The following SGCD variants were observed in gnomAD, a reference collection of about 807,000 sequenced individuals.
SGCD encodes the protein delta-sarcoglycan.
A neutral mutation model predicts 36.6 loss-of-function variants in SGCD; 18 were observed. The ratio of observed to expected loss-of-function variants is 0.49; its 90% CI spans 0.34 to 0.73. SGCD has a LOEUF of 0.73. Ranked by LOEUF, SGCD falls within the 30% of genes least tolerant of loss-of-function variation. The pLI is 0.01. For synonymous variants in SGCD, 133 were observed against 130.6 expected, an observed-to-expected ratio of 1.02 and a Z score of -0.12; for missense variants, 387 against 346.7, an observed-to-expected ratio of 1.12 and a Z score of -0.92.
chr5:156,586,965 G>A (rs910908739), intron 4 of SGCD, among the ~76,000 whole-genome samples: 8 of 151,790 alleles, frequency 5.3e-5, no homozygotes, highest in African/African-American at 1.7e-4. Context: ...TCATTATGTA[G>A]CCTTTAACTT....
chr5:156,261,537 C>T (rs1765865703), intron 3 of SGCD, among the ~76,000 whole-genome samples: 1 of 152,184 alleles, frequency 6.6e-6, no homozygotes, highest in African/African-American at 2.4e-5. Flanking sequence ...CAAACCTGCA[C>T]TGCCATTATC....
intron 3 of SGCD, among the ~76,000 whole-genome samples, chr5:156,395,039 G>A (rs1364637412): frequency 6.6e-6 from 1 of 152,218 alleles, no homozygotes. Flanking sequence ...GGATGTGTGT[G>A]ATTATGCAGG....
At chr5:156,292,544 A>G (rs1351435915) in intron 3 of SGCD, among the ~76,000 whole-genome samples, 1 of 152,126 alleles carries the variant, frequency 6.6e-6, no homozygotes, top group Non-Finnish European at 1.5e-5. Context: ...ATTGTAAACA[A>G]TGCTGCTATA....
At chr5:155,924,444 T>C (rs1488941581) in intron 1 of SGCD, among the ~76,000 whole-genome samples, 1 of 152,224 alleles carries the variant, frequency 6.6e-6, no homozygotes, top group African/African-American at 2.4e-5. Flanking sequence ...AATCAGGCAC[T>C]GAATGCTTAG....
intron 1 of SGCD, among the ~76,000 whole-genome samples, chr5:155,939,843 T>A (rs1757288320): frequency 6.6e-6 from 1 of 151,128 alleles, no homozygotes; most frequent in African/African-American, 2.4e-5. Context: ...TGTCTCTTTT[T>A]TTTTTTTTTT....
At chr5:156,487,590 C>A (rs1393087691) in intron 3 of SGCD, among the ~76,000 whole-genome samples, 5 of 151,388 alleles carry the variant, frequency 3.3e-5, no homozygotes, top group African/African-American at 1.2e-4. Flanking sequence ...AAGTTCAAGA[C>A]CAGCCTGACC....
chr5:156,226,875 G>T (rs558666422), intron 3 of SGCD, among the ~76,000 whole-genome samples: 7 of 151,492 alleles, frequency 4.6e-5, no homozygotes, highest in Non-Finnish European at 7.4e-5. Flanking sequence ...TTGTATGTTT[G>T]TTGGCCATTT....
chr5:156,307,556 T>TTTTTTTTTTTTTTTTTTTTTTTG (rs1767255913), intron 3 of SGCD, among the ~76,000 whole-genome samples: 1 of 53,376 alleles, frequency 1.9e-5, no homozygotes, highest in Non-Finnish European at 3.3e-5. Context: ...TTAACTGTTG[T>TTTTTTTTTTTTTTTTTTTTTTTG]TTTTTTTTTT....
intron 3 of SGCD, among the ~76,000 whole-genome samples, chr5:156,389,473 T>C (rs1771447379): frequency 6.6e-6 from 1 of 152,142 alleles, no homozygotes; most frequent in Non-Finnish European, 1.5e-5. Flanking sequence ...GGAGTTATAG[T>C]ATTGTTTGCT....
intron 7 of SGCD, among the ~76,000 whole-genome samples, chr5:156,664,429 T>C (rs1213362946): frequency 6.7e-6 from 1 of 149,360 alleles, no homozygotes; most frequent in Non-Finnish European, 1.5e-5. Context: ...AGGGTAGGGC[T>C]CTTTTGAACC....
rs1355667465 is a variant in SGCD at position 156,709,807 on chromosome 5, T to C, written c.576-47774T>C. ...CTTAGAATGGGGCAGTTGAAACTTC[T>C]TGGTACTTATGTTCCTGCCGCCCCC... On this transcript the variant is annotated intron_variant, in intron 7 of 8. Coordinates refer to ENST00000337851, the MANE Select transcript of SGCD (RefSeq NM_000337.6). Among the ~76,000 whole-genome samples, 9 of 150,646 alleles carry C rather than the reference T, an allele frequency of 6.0e-5. No individual in the cohort carries two copies. The East Asian group carries it at 1.8e-3, about 30-fold the overall frequency.
chr5:155,850,140 G>T, the SGCD span, among the ~76,000 whole-genome samples: 2 of 152,132 alleles, frequency 1.3e-5, no homozygotes, highest in Non-Finnish European at 2.9e-5. Context: ...TTGGATTCAA[G>T]GCTTGTATGT....
chr5:156,665,114 G>A (rs902022130), intron 7 of SGCD, among the ~76,000 whole-genome samples: 8 of 152,022 alleles, frequency 5.3e-5, no homozygotes, highest in South Asian at 2.1e-4. Flanking sequence ...GGGGGTGGCC[G>A]ATACTGAAGT....
chr5:156,068,438 C>A (rs1289994398), intron 1 of SGCD, among the ~76,000 whole-genome samples: 1 of 152,006 alleles, frequency 6.6e-6, no homozygotes, highest in Non-Finnish European at 1.5e-5. Flanking sequence ...CATGTCCCTA[C>A]AAAGGACATG....
intron 3 of SGCD, among the ~76,000 whole-genome samples, chr5:156,302,325 T>C (rs1012423247): frequency 6.6e-6 from 1 of 152,056 alleles, no homozygotes; most frequent in Admixed American, 6.6e-5. Flanking sequence ...AGTACATCAA[T>C]TGAATTTTTC....
In SGCD at chr5:156,766,456, C is replaced by A. The variant is rs1054816246; in HGVS notation, c.*7066C>A. 1 of 151,518 alleles carries A rather than the reference C, an allele frequency of 6.6e-6. No individual in the cohort carries two copies. Among genetic ancestry groups the A allele is most frequent in the African/African-American group, 2.4e-5 (1 of 41,128 alleles). 9.4% of individuals were successfully genotyped at this position (151,518 alleles called of 1,614,324 possible). A position where few individuals can be genotyped will look rare whatever the true frequency, so the allele number is the denominator to read the frequency against. On this transcript the variant is annotated 3_prime_UTR_variant, in exon 9 of 9. Transcript: ENST00000337851. ...CATACCCTTCCCCAGGTGCAGAATT[C>A]TCCTCCCCAGAGCACTCAGGCCGTT...
intron 3 of SGCD, among the ~76,000 whole-genome samples, chr5:156,450,964 AG>A (rs1753982934): frequency 6.6e-6 from 1 of 152,174 alleles, no homozygotes; most frequent in Non-Finnish European, 1.5e-5. Flanking sequence ...TCCTGAAAGA[AG>A]GGTTTTATTT....
At chr5:156,150,432 A>G (rs914980379) in intron 3 of SGCD, among the ~76,000 whole-genome samples, 5 of 151,684 alleles carry the variant, frequency 3.3e-5, no homozygotes, top group African/African-American at 1.2e-4. Context: ...TACTGCGATC[A>G]GACCTTGAAT....
intron 7 of SGCD, among the ~76,000 whole-genome samples, chr5:156,719,823 AC>A (rs1755405699): frequency 6.7e-6 from 1 of 150,074 alleles, no homozygotes; most frequent in Admixed American, 6.6e-5. Context: ...AGTCAAAGAA[AC>A]TTTTTTTTTT....
Sources: allele counts gnomAD v4.1 joint callset (sites outside exome capture counted in the v4.1 genomes callset), GRCh38; gene constraint gnomAD v4.1.1; transcripts MANE v1.5; gene names NCBI Gene and HGNC (gene_info 2026-07-23, HGNC 2026-07-21).